AK3: variants seen among roughly 807,000 people sequenced by gnomAD.
AK3 encodes the protein adenylate kinase 3.
AK3 carries 27 observed loss-of-function variants against 23.7 expected under a neutral mutation model. The observed-to-expected ratio is 1.14, with a 90% CI of 0.84 to 1.57. The LOEUF (loss-of-function observed/expected upper bound fraction) is 1.57, where lower values mean the gene tolerates loss of function less well. Ranked by LOEUF, AK3 falls within the 40% of genes most tolerant of loss-of-function variation. AK3 has a pLI of 0.00. For missense variants in AK3, 406 were observed against 285.6 expected (o/e 1.42, Z -3.04); for synonymous variants, 159 against 116.0 (o/e 1.37, Z -2.38).
At chr9:4,739,712 A>G (rs1419421104) in intron 1 of AK3, among the ~76,000 whole-genome samples, 4 of 151,968 alleles carry the variant, frequency 2.6e-5, no homozygotes, top group African/African-American at 4.8e-5. Context: ...CGGGTGGATC[A>G]CGAGGTCAGG....
chr9:4,734,773 A>G (rs925628472), intron 1 of AK3, among the ~76,000 whole-genome samples: 13 of 152,256 alleles, frequency 8.5e-5, no homozygotes, highest in Non-Finnish European at 1.9e-4. Context: ...TTATGAATGG[A>G]TAAATAAAAC....
intron 3 of AK3, 28 bp from the exon 4 acceptor site, chr9:4,718,565 C>T: frequency 1.4e-6 from 2 of 1,443,750 alleles, no homozygotes; most frequent in Non-Finnish European, 1.9e-6. Context: ...AGACTAGTAT[C>T]AGATATCATA....
chr9:4,741,017 G>A lies in AK3; in HGVS notation c.71C>T (p.Ser24Leu). ...GAPGSGKGTVSSRITTHFELK... is the reference protein window; with the variant it reads ...GAPGSGKGTVLSRITTHFELK... ...CTCGAAGTGTGTAGTGATGCGCGAC[G>A]ACACGGTGCCCTTGCCCGAGCCCGG... Residue 24 changes from serine (S) to leucine (L), a missense_variant, in exon 1 of 5, where the codon TCG becomes TTG. Physicochemically the swap from Ser to Leu is moderately radical, Grantham distance 145 (BLOSUM62 -2). Transcript: ENST00000381809. 6.3e-7 allele frequency: 1 copy of A among 1,591,856 alleles called. No homozygotes were observed. The highest frequency in any genetic ancestry group is 8.5e-7 in the Non-Finnish European group (1 of 1,171,148).
At chr9:4,741,307 C>G (rs978926995), upstream of AK3, 43 of 427,980 alleles carry the variant, frequency 1.0e-4, no homozygotes, top group African/African-American at 7.2e-4. Flanking sequence ...CGGCGCACCC[C>G]CCGCCCCCGA....
chr9:4,733,342 A>G (rs969081745), intron 1 of AK3, among the ~76,000 whole-genome samples: 33 of 151,634 alleles, frequency 2.2e-4, no homozygotes, highest in South Asian at 6.3e-4. Context: ...TTAAAAAAAA[A>G]CCTTTCTCAA....
At chr9:4,736,321 T>G (rs1842292471) in intron 1 of AK3, among the ~76,000 whole-genome samples, 1 of 152,066 alleles carries the variant, frequency 6.6e-6, no homozygotes, top group Admixed American at 6.6e-5. Flanking sequence ...TACAGCATGC[T>G]ATAATCTGTG....
chr9:4,738,663 C>G (rs1842351283), intron 1 of AK3, among the ~76,000 whole-genome samples: 2 of 150,564 alleles, frequency 1.3e-5, no homozygotes, highest in Non-Finnish European at 2.9e-5. Context: ...ATAATCATCT[C>G]TGTGTGGCAA....
chr9:4,736,505 C>T (rs143267525), intron 1 of AK3, among the ~76,000 whole-genome samples: 39 of 149,744 alleles, frequency 2.6e-4, no homozygotes, highest in African/African-American at 8.8e-4. Flanking sequence ...GCTTTGCCAT[C>T]AGTATCATTC....
At chr9:4,713,222 A>C (rs1162104507) in intron 4 of AK3, 126 bp from the exon 5 acceptor site, 7 of 1,272,600 alleles carry the variant, frequency 5.5e-6, no homozygotes, top group Admixed American at 2.5e-5. Context: ...AGATTTGTGT[A>C]ATCAGGAGAG....
At chr9:4,714,338 CA>C (rs1587634583) in intron 4 of AK3, among the ~76,000 whole-genome samples, 1 of 152,270 alleles carries the variant, frequency 6.6e-6, no homozygotes, top group African/African-American at 2.4e-5. Flanking sequence ...CCGAGGTTTT[CA>C]GGGCTTTCAC....
intron 1 of AK3, among the ~76,000 whole-genome samples, chr9:4,731,108 CTTG>C (rs777608991): frequency 7.9e-5 from 12 of 152,016 alleles, no homozygotes; most frequent in Non-Finnish European, 1.8e-4. Flanking sequence ...TTTTATTGTT[CTTG>C]TTGTTGTTTT....
At position 4,712,772 on chromosome 9, in the gene AK3, A is replaced by C; in HGVS notation, c.*204T>G. On this transcript the variant is annotated 3_prime_UTR_variant, in exon 5 of 5. Coordinates refer to ENST00000381809, the MANE Select transcript of AK3 (RefSeq NM_016282.4). The stretch of plus-strand genomic sequence containing the variant: ...ATGTTTTTGAGGATAACTGCATACA[A>C]CACACTAGATGATTTCAAACGATGC... 7.9e-6 allele frequency: 4 copies of C among 506,564 alleles called. No individual in the cohort carries two copies. The highest frequency in any genetic ancestry group is 1.3e-5 in the Non-Finnish European group (4 of 305,682). The allele number at this position is 506,564 out of a possible 1,614,324, so 31.4% of individuals were successfully genotyped here.
intron 4 of AK3, among the ~76,000 whole-genome samples, chr9:4,717,943 T>C (rs1252704342): frequency 6.6e-6 from 1 of 152,204 alleles, no homozygotes; most frequent in Non-Finnish European, 1.5e-5. Flanking sequence ...GACTAGTCAG[T>C]GTAATCAGTG....
rs887263437 is a variant in AK3 at position 4,722,740 on chromosome 9, G to A, written c.152-115C>T. 1.0e-5 allele frequency: 15 copies of A among 1,447,922 alleles called. No individual in the cohort carries two copies. The East Asian group carries it at 3.4e-4, about 33-fold the overall frequency. 89.7% of individuals were successfully genotyped at this position (1,447,922 alleles called of 1,614,324 possible). On this transcript the variant is annotated intron_variant, in intron 1 of 4. Coordinates refer to ENST00000381809, the MANE Select transcript of AK3 (RefSeq NM_016282.4). ...GAATGGCATACTCATCTGAAAATGT[G>A]CATCATCAACTTTTCTGATAAAAAC...
intron 1 of AK3, among the ~76,000 whole-genome samples, chr9:4,735,608 G>A (rs1281288082): frequency 6.8e-6 from 1 of 147,776 alleles, no homozygotes; most frequent in Non-Finnish European, 1.5e-5. Context: ...TTCCCAACAG[G>A]TGCCCGCCAC....
At chr9:4,740,022 T>A (rs1842388350) in intron 1 of AK3, among the ~76,000 whole-genome samples, 1 of 150,790 alleles carries the variant, frequency 6.6e-6, no homozygotes, top group African/African-American at 2.4e-5. Context: ...GGGCGTTGTT[T>A]TTTATGCTAT....
At chr9:4,740,765 G>C (rs1391443326) in intron 1 of AK3, among the ~76,000 whole-genome samples, 172 bp downstream of exon 1, 2 of 152,218 alleles carry the variant, frequency 1.3e-5, no homozygotes, top group Admixed American at 6.5e-5. Context: ...GGCCCACGGA[G>C]GCCGGAGGTT....
chr9:4,711,093 A>C lies in AK3; in HGVS notation c.*1883T>G, dbSNP rs1449550547. On this transcript the variant is annotated 3_prime_UTR_variant, in exon 5 of 5. Coordinates refer to ENST00000381809, the MANE Select transcript of AK3 (RefSeq NM_016282.4). ...GATTTCCAAATCCCCTAAGGGTATT[A>C]TGAAGGCCGGTATGGCTACCATAGC... 6.6e-6 allele frequency: 1 copy of C among 152,204 alleles called. No individual in the cohort carries two copies. The highest frequency in any genetic ancestry group is 2.4e-5 in the African/African-American group (1 of 41,446). The allele number at this position is 152,204 out of a possible 1,614,324, so 9.4% of individuals were successfully genotyped here. A position where few individuals can be genotyped will look rare whatever the true frequency, so the allele number is the denominator to read the frequency against.
At chr9:4,740,520 C>T (rs1756865) in intron 1 of AK3, among the ~76,000 whole-genome samples, 1 of 152,168 alleles carries the variant, frequency 6.6e-6, no homozygotes, top group East Asian at 1.9e-4. Context: ...AAGAAAGAAA[C>T]AAAGAAAACA....
Sources: allele counts gnomAD v4.1 joint callset (sites outside exome capture counted in the v4.1 genomes callset), GRCh38; gene constraint gnomAD v4.1.1; transcripts MANE v1.5; gene names NCBI Gene and HGNC (gene_info 2026-07-23, HGNC 2026-07-21).